CNTN1: variants seen among roughly 807,000 people sequenced by gnomAD.
CNTN1 encodes the protein contactin-1.
CNTN1 carries 38 observed loss-of-function variants against 126.4 expected under a neutral mutation model. The ratio of observed to expected loss-of-function variants is 0.30; its 90% CI spans 0.23 to 0.39. The LOEUF (loss-of-function observed/expected upper bound fraction) is 0.39, where lower values mean the gene tolerates loss of function less well. Ranked by LOEUF, CNTN1 falls within the 10% of genes least tolerant of loss-of-function variation. CNTN1 has a pLI of 1.00. For missense variants in CNTN1, 1,009 were observed against 1,248.4 expected (o/e 0.81, Z 2.89); for synonymous variants, 413 against 422.6 (o/e 0.98, Z 0.28).
intron 23 of CNTN1, among the ~76,000 whole-genome samples, chr12:41,046,408 T>C (rs1041626354): frequency 2.0e-5 from 3 of 152,174 alleles, no homozygotes; most frequent in African/African-American, 4.8e-5. Context: ...ATTTCAGCTG[T>C]TGAAGTATTA....
intron 15 of CNTN1, among the ~76,000 whole-genome samples, chr12:40,964,552 G>GTT (rs1947233701): frequency 6.6e-6 from 1 of 151,796 alleles, no homozygotes; most frequent in Non-Finnish European, 1.5e-5. Flanking sequence ...GTGTGTGTGT[G>GTT]TGTGTGTGCA....
intron 23 of CNTN1, among the ~76,000 whole-genome samples, chr12:41,032,380 A>T (rs1315021541): frequency 1.1e-5 from 1 of 87,412 alleles, no homozygotes; most frequent in Non-Finnish European, 2.1e-5. Flanking sequence ...AAAAAAAAAA[A>T]AAAGAAAAAG....
chr12:40,909,901 A>G (rs1047065917), intron 2 of CNTN1, among the ~76,000 whole-genome samples, 172 bp from the exon 3 acceptor site: 2 of 152,100 alleles, frequency 1.3e-5, no homozygotes, highest in African/African-American at 4.8e-5. Context: ...GCAACTATCA[A>G]TGTAAAGATA....
Position 40,969,552 on chromosome 12 carries a change from C to CTATACTCTCA in CNTN1, c.1804+10321_1804+10330dup, listed in dbSNP as rs1431224350. ...TTCCATCATCATGTTTAACTGTACA[C>CTATACTCTCA]TATACTCTCATAACTGATTGCAGAT... On this transcript the variant is annotated intron_variant, in intron 15 of 23. Coordinates refer to ENST00000551295, the MANE Select transcript of CNTN1 (RefSeq NM_001843.4). Among the ~76,000 whole-genome samples the CTATACTCTCA allele has an allele frequency of 2.0e-5, 3 of 152,178 alleles. No homozygotes were observed. In the East Asian group the frequency reaches 5.8e-4, roughly 29 times the overall value.
chr12:40,990,520 C>G (rs1205219221), intron 16 of CNTN1, among the ~76,000 whole-genome samples: 1 of 152,192 alleles, frequency 6.6e-6, no homozygotes, highest in East Asian at 1.9e-4. Context: ...GAATCCAGAT[C>G]TAGCATAAAA....
chr12:40,775,072 G>C (rs924792971), intron 1 of CNTN1, among the ~76,000 whole-genome samples: 1 of 150,908 alleles, frequency 6.6e-6, no homozygotes, highest in Non-Finnish European at 1.5e-5. Context: ...ACTCTTTTTT[G>C]CTACTGAACA....
intron 23 of CNTN1, among the ~76,000 whole-genome samples, chr12:41,056,594 G>A (rs149742211): frequency 6.6e-6 from 1 of 152,016 alleles, no homozygotes; most frequent in Non-Finnish European, 1.5e-5. Context: ...AAAATTTCTA[G>A]CACTCCAACT....
chr12:40,826,938 G>A (rs1941633239), intron 1 of CNTN1, among the ~76,000 whole-genome samples: 1 of 152,038 alleles, frequency 6.6e-6, no homozygotes. Flanking sequence ...AGTCATCTCA[G>A]TGACCTTAAT....
chr12:40,828,915 T>C (rs1159344760), intron 1 of CNTN1, among the ~76,000 whole-genome samples: 2 of 152,178 alleles, frequency 1.3e-5, no homozygotes, highest in Non-Finnish European at 2.9e-5. Context: ...AATGCCTTAC[T>C]CCAAAATGTA....
At chr12:41,009,247 C>T (rs947139302) in intron 17 of CNTN1, among the ~76,000 whole-genome samples, 1 of 152,162 alleles carries the variant, frequency 6.6e-6, no homozygotes, top group Non-Finnish European at 1.5e-5. Context: ...GATGGTGGAA[C>T]CCTCTGATAG....
At chr12:40,833,994 TTC>T (rs1382016053) in intron 1 of CNTN1, among the ~76,000 whole-genome samples, 29 of 152,196 alleles carry the variant, frequency 1.9e-4, no homozygotes, top group Non-Finnish European at 3.8e-4. Flanking sequence ...CAAAAATAAA[TTC>T]TGTTACATTA....
chr12:40,860,952 A>G (rs1221350522), intron 1 of CNTN1, among the ~76,000 whole-genome samples: 15 of 152,062 alleles, frequency 9.9e-5, no homozygotes, highest in Admixed American at 9.8e-4. Flanking sequence ...TACAAAAGAT[A>G]CTTCCATCAT....
intron 6 of CNTN1, among the ~76,000 whole-genome samples, chr12:40,928,251 C>T (rs2136901362): frequency 6.6e-6 from 1 of 152,082 alleles, no homozygotes; most frequent in Non-Finnish European, 1.5e-5. Flanking sequence ...AATATTAATT[C>T]AGAATCAGAA....
Position 40,735,566 on chromosome 12 carries a change from G to A in CNTN1, c.-77+42974G>A, listed in dbSNP as rs138649922. The stretch of plus-strand genomic sequence containing the variant: ...TAAGGGAATCCTAACTGTGAGAAAG[G>A]AGACCAAAGATACTTCCTCTTTCTC... On this transcript the variant is annotated intron_variant, in intron 1 of 23. Coordinates refer to ENST00000551295, the MANE Select transcript of CNTN1 (RefSeq NM_001843.4). 7.2e-4 allele frequency among the ~76,000 whole-genome samples: 109 copies of A among 152,138 alleles called. No individual in the cohort carries two copies. In the East Asian group the frequency reaches 0.017, roughly 23 times the overall value.
At chr12:40,921,164 C>T (rs1945429555) in intron 4 of CNTN1, among the ~76,000 whole-genome samples, 1 of 152,174 alleles carries the variant, frequency 6.6e-6, no homozygotes, top group South Asian at 2.1e-4. Flanking sequence ...TTTAAATTAT[C>T]TCCTATACTG....
chr12:40,957,352 G>C (rs184379610), intron 14 of CNTN1, among the ~76,000 whole-genome samples: 222 of 151,686 alleles, frequency 1.5e-3, no homozygotes, highest in Non-Finnish European at 2.2e-3. Context: ...AGAGGTGAAG[G>C]TTACTGGGAA....
At chr12:40,812,763 G>C (rs571550057) in intron 1 of CNTN1, among the ~76,000 whole-genome samples, 3 of 151,920 alleles carry the variant, frequency 2.0e-5, no homozygotes, top group African/African-American at 4.8e-5. Flanking sequence ...CCTTCACTTT[G>C]TATGTGCCCT....
chr12:40,715,034 T>A (rs1199112145), intron 1 of CNTN1, among the ~76,000 whole-genome samples: 1 of 152,176 alleles, frequency 6.6e-6, no homozygotes, highest in Non-Finnish European at 1.5e-5. Context: ...TAGAAAGACA[T>A]GCGATAAGAA....
intron 1 of CNTN1, among the ~76,000 whole-genome samples, chr12:40,819,497 A>G (rs568493852): frequency 6.6e-6 from 1 of 152,290 alleles, no homozygotes; most frequent in East Asian, 1.9e-4. Context: ...CTGTGGGGCC[A>G]AGTCTTGGGA....
Sources: allele counts gnomAD v4.1 joint callset (sites outside exome capture counted in the v4.1 genomes callset), GRCh38; gene constraint gnomAD v4.1.1; transcripts MANE v1.5; gene names NCBI Gene and HGNC (gene_info 2026-07-23, HGNC 2026-07-21).